Variants in TEAD3 observed in about 807,000 individuals in gnomAD.
TEAD3 encodes the protein transcriptional enhancer factor TEF-5.
Under a neutral mutation model 55.6 loss-of-function variants are expected in TEAD3, and 15 were observed. The observed-to-expected ratio is 0.27, with a 90% confidence interval of 0.18 to 0.42. The LOEUF is 0.42. TEAD3 is among the 10% of genes least tolerant of loss of function. TEAD3 has a pLI of 1.00. For missense variants in TEAD3, 407 were observed against 576.8 expected (o/e 0.71, Z 3.01); for synonymous variants, 210 against 232.2 (o/e 0.90, Z 0.87).
chr6:35,480,564 A>G (rs555264200), intron 3 of TEAD3, among the ~76,000 whole-genome samples, 190 bp from the exon 4 acceptor site: 1 of 152,340 alleles, frequency 6.6e-6, no homozygotes, highest in African/African-American at 2.4e-5. Context: ...CCTGGGCTCA[A>G]GCGATCCTCC....
At chr6:35,481,869 G>C (rs73415623) in intron 3 of TEAD3, among the ~76,000 whole-genome samples, 1,734 of 152,332 alleles carry the variant, frequency 0.011, 34 homozygotes, top group African/African-American at 0.038. Context: ...AAGTCACACA[G>C]AGCTTCATTC....
chr6:35,482,981 A>G (rs1008743668), intron 3 of TEAD3, among the ~76,000 whole-genome samples: 12 of 152,322 alleles, frequency 7.9e-5, no homozygotes, highest in African/African-American at 2.9e-4. Flanking sequence ...GAGTCTTCAC[A>G]TGTTAACTAA....
intron 1 of TEAD3, among the ~76,000 whole-genome samples, chr6:35,492,343 G>A (rs920884345): frequency 4.6e-5 from 7 of 151,574 alleles, no homozygotes; most frequent in Admixed American, 2.0e-4. Context: ...TCCCCTACCC[G>A]CCCCACAGCG....
intron 1 of TEAD3, among the ~76,000 whole-genome samples, chr6:35,494,386 C>T (rs1446667722): frequency 6.6e-6 from 1 of 152,210 alleles, no homozygotes; most frequent in Non-Finnish European, 1.5e-5. Flanking sequence ...AGAGCCCTTT[C>T]CCTGGCAGGG....
Position 35,475,236 on chromosome 6 carries a change from C to T in TEAD3, c.1195-79G>A. 6.3e-7 allele frequency: 1 copy of T among 1,591,766 alleles called. No homozygotes were observed. Among genetic ancestry groups the T allele is most frequent in the Non-Finnish European group, 8.6e-7 (1 of 1,168,184 alleles). Reference sequence around the variant, plus strand: ...GGCAGGGGGCTGAACAGACCATTCTCCTTTCCGGATCTATGCCTCTCAGCC... The same window carrying T: ...GGCAGGGGGCTGAACAGACCATTCTTCTTTCCGGATCTATGCCTCTCAGCC... On this transcript the variant is annotated intron_variant, in intron 12 of 12. Coordinates refer to ENST00000639578, the Ensembl canonical transcript of TEAD3. The surrounding 1 kb of genome is among the most constrained non-coding windows in gnomAD (Gnocchi z 5.4).
At position 35,475,382 on chromosome 6, in the gene TEAD3, T is replaced by C; in HGVS notation, c.1148A>G (p.Glu383Gly). 1 of 1,614,100 alleles carries C rather than the reference T, an allele frequency of 6.2e-7. No individual in the cohort carries two copies. The highest frequency in any genetic ancestry group is 8.5e-7 in the Non-Finnish European group (1 of 1,179,990). The change falls in exon 12 of 13, where the codon GAG becomes GGG. Residue 383 changes from glutamate (E) to glycine (G), a missense_variant. By Grantham distance (98) the Glu-to-Gly change is moderately conservative. Coordinates refer to ENST00000639578, the Ensembl canonical transcript of TEAD3. This position sits in a 1 kb window ranked among gnomAD's most constrained non-coding sequence, Gnocchi z 5.4. ...CAGCACGCTGTTCATCATGTACTTC[T>C]CGGGCAGGTGCTTCAGCTTGTGGAT... is the stretch of plus-strand genomic sequence containing the variant.
intron 1 of TEAD3, among the ~76,000 whole-genome samples, chr6:35,495,625 C>T (rs74869746): frequency 1.3e-5 from 2 of 152,242 alleles, no homozygotes; most frequent in African/African-American, 4.8e-5. Flanking sequence ...CGAGAGGGGT[C>T]TTGGTGGGAG....
intron 1 of TEAD3, among the ~76,000 whole-genome samples, chr6:35,495,449 T>C (rs1443536722): frequency 6.6e-6 from 1 of 152,120 alleles, no homozygotes; most frequent in Non-Finnish European, 1.5e-5. Context: ...GCCCAAGAGC[T>C]TGGGACTCAT....
chr6:35,479,977 C>A, intron 4 of TEAD3: 1 of 1,260,022 alleles, frequency 7.9e-7, no homozygotes, highest in South Asian at 1.3e-5. Context: ...CTTGCCTGTC[C>A]CAGGCTGGAG....
chr6:35,491,710 C>T lies in TEAD3; in HGVS notation c.-49-4999G>A, dbSNP rs945939450. On this transcript the variant is annotated intron_variant, in intron 1 of 12. Coordinates refer to ENST00000639578, the Ensembl canonical transcript of TEAD3. The surrounding 1 kb of genome is among the most constrained non-coding windows in gnomAD (Gnocchi z 4.4). ...CCAGCCACACCCGCTTCCCCTCTCC[C>T]AGGGCCCTCAGCCTTTCAGGCTCAG... is the stretch of plus-strand genomic sequence containing the variant. Among the ~76,000 whole-genome samples, 1 of 152,226 alleles carries T rather than the reference C, an allele frequency of 6.6e-6. No individual in the cohort carries two copies. The highest frequency in any genetic ancestry group is 1.5e-5 in the Non-Finnish European group (1 of 68,032).
In TEAD3 at chr6:35,483,257, G is replaced by C. The variant is rs1371464960; in HGVS notation, c.267+1303C>G. The stretch of plus-strand genomic sequence containing the variant: ...CCCCTACACTGGGTAGGGAGGCTCA[G>C]AACCTTCCTTTGAGAAAGAGGTGGA... On this transcript the variant is annotated intron_variant, in intron 3 of 12. Transcript: ENST00000639578. This position sits in a 1 kb window ranked among gnomAD's most constrained non-coding sequence, Gnocchi z 4.5. Among the ~76,000 whole-genome samples the C allele has an allele frequency of 1.3e-5, 2 of 152,186 alleles. No individual in the cohort carries two copies. Among genetic ancestry groups the C allele is most frequent in the African/African-American group, 2.4e-5 (1 of 41,442 alleles).
rs959867431 is a variant in TEAD3, at chr6:35,485,189, G to A, written c.203-565C>T. On this transcript the variant is annotated intron_variant, in intron 2 of 12. Coordinates refer to ENST00000639578, the Ensembl canonical transcript of TEAD3. This position sits in a 1 kb window ranked among gnomAD's most constrained non-coding sequence, Gnocchi z 4.3. ...GAAGGACAGGAAGGCAGCACTGACC[G>A]CCTCCAATGTGCCTCCTACACTGGC... Among the ~76,000 whole-genome samples the A allele has an allele frequency of 1.3e-5, 2 of 152,156 alleles. No homozygotes were observed. Among genetic ancestry groups the A allele is most frequent in the African/African-American group, 4.8e-5 (2 of 41,426 alleles).
rs1561806448 is a variant in TEAD3 at position 35,486,442 on chromosome 6, CGCGCCCCCCG to C, written c.202+9_202+18del. On this transcript the variant is annotated intron_variant, in intron 2 of 12. Transcript: ENST00000639578. This position sits in a 1 kb window ranked among gnomAD's most constrained non-coding sequence, Gnocchi z 7.3. ...CAGGGGGAAGGGCCGCAGTCCCGCC[CGCGCCCCCCG>C]GCACGCACCGTACATCTTGCCCTCG... is the stretch of plus-strand genomic sequence containing the variant. The C allele has an allele frequency of 3.7e-6, 6 of 1,601,458 alleles. No homozygotes were observed. In the Middle Eastern group the frequency reaches 8.3e-4, roughly 222 times the overall value.
At position 35,485,409 on chromosome 6, in the gene TEAD3, G is replaced by A. The variant is rs1329096928; in HGVS notation, c.203-785C>T. 6.6e-6 allele frequency among the ~76,000 whole-genome samples: 1 copy of A among 152,150 alleles called. No individual in the cohort carries two copies. Among genetic ancestry groups the A allele is most frequent in the African/African-American group, 2.4e-5 (1 of 41,420 alleles). On this transcript the variant is annotated intron_variant, in intron 2 of 12. Transcript: ENST00000639578. This position sits in a 1 kb window ranked among gnomAD's most constrained non-coding sequence, Gnocchi z 4.3. The stretch of plus-strand genomic sequence containing the variant: ...AGGGACTTGGGCCTGAAAGGGGGAT[G>A]CCTGGGCCACACGGCTGAGCCCAAG...
rs1165229576 is a variant in TEAD3, at chr6:35,488,367, C to T, written c.-49-1656G>A. Among the ~76,000 whole-genome samples the T allele has an allele frequency of 6.6e-6, 1 of 152,138 alleles. No individual in the cohort carries two copies. The highest frequency in any genetic ancestry group is 1.9e-4 in the East Asian group (1 of 5,186). ...TTAATTTGGACCACACCCCACCAGGCCCCCTATCACTCACAACCCCAAGAC... is the reference window on the plus strand; with the variant it reads ...TTAATTTGGACCACACCCCACCAGGTCCCCTATCACTCACAACCCCAAGAC... On this transcript the variant is annotated intron_variant, in intron 1 of 12. Coordinates refer to ENST00000639578, the Ensembl canonical transcript of TEAD3. The surrounding 1 kb of genome is among the most constrained non-coding windows in gnomAD (Gnocchi z 4.2).
Position 35,486,377 on chromosome 6 carries a change from C to T in TEAD3, c.202+84G>A, listed in dbSNP as rs1768380410. The T allele has an allele frequency of 1.3e-6, 2 of 1,481,728 alleles. No individual in the cohort carries two copies. Among genetic ancestry groups the T allele is most frequent in the East Asian group, 2.4e-5 (1 of 41,152 alleles). 91.8% of individuals were successfully genotyped at this position (1,481,728 alleles called of 1,614,324 possible). A position where few individuals can be genotyped will look rare whatever the true frequency, so the allele number is the denominator to read the frequency against. On this transcript the variant is annotated intron_variant, in intron 2 of 12. Coordinates refer to ENST00000639578, the Ensembl canonical transcript of TEAD3. The surrounding 1 kb of genome is among the most constrained non-coding windows in gnomAD (Gnocchi z 7.3). ...ACTCGCCCGGCCAGCGGCTGGCGGCCTCCGACGTCACCAAACCGGTTGGGT... is the reference window on the plus strand; with the variant it reads ...ACTCGCCCGGCCAGCGGCTGGCGGCTTCCGACGTCACCAAACCGGTTGGGT...
At chr6:35,476,512 A>AG in intron 8 of TEAD3, 77 bp from the exon 9 acceptor site, 1 of 1,578,042 alleles carries the variant, frequency 6.3e-7, no homozygotes, top group Non-Finnish European at 8.6e-7. Flanking sequence ...CAGCTTGCAA[A>AG]GGTGCCCCTT....
chr6:35,478,861 T>C (rs1270807364), intron 5 of TEAD3, among the ~76,000 whole-genome samples: 1 of 151,012 alleles, frequency 6.6e-6, no homozygotes, highest in Non-Finnish European at 1.5e-5. Context: ...CTGTATGTCA[T>C]GTACTCTCCT....
At chr6:35,493,810 C>A (rs115763728) in intron 1 of TEAD3, among the ~76,000 whole-genome samples, 2 of 152,218 alleles carry the variant, frequency 1.3e-5, no homozygotes, top group African/African-American at 2.4e-5. Context: ...CGTGCGAGTG[C>A]GGTGTCCTTC....
Sources: allele counts gnomAD v4.1 joint callset (sites outside exome capture counted in the v4.1 genomes callset), GRCh38; gene constraint gnomAD v4.1.1; non-coding constraint Gnocchi (gnomAD v3.1); transcripts MANE v1.5; gene names NCBI Gene and HGNC (gene_info 2026-07-23, HGNC 2026-07-21).